The following CACNA2D4 variants were observed in gnomAD, a reference collection of about 807,000 sequenced individuals.
CACNA2D4 encodes calcium voltage-gated channel auxiliary subunit alpha2delta 4.
A neutral mutation model predicts 163.8 loss-of-function variants in CACNA2D4; 157 were observed. That is an observed-to-expected ratio of 0.96 (90% CI 0.84 to 1.09). The LOEUF is 1.09. Ranked by LOEUF, CACNA2D4 falls within the 50% of genes least tolerant of loss-of-function variation. The pLI is 0.00. For missense variants in CACNA2D4, 1,410 were observed against 1,479.9 expected (o/e 0.95, Z 0.78); for synonymous variants, 598 against 586.9 (o/e 1.02, Z -0.27).
In CACNA2D4 at chr12:1,869,074, C is replaced by T. The variant is rs568136008; in HGVS notation, c.1878+5530G>A. ...GATGCTGAGGGATGACTGCGCATCA[C>T]GTTGTGCACCTTAAATATATACAAT... is the stretch of plus-strand genomic sequence containing the variant. On this transcript the variant is annotated intron_variant, in intron 18 of 37. Coordinates refer to ENST00000382722, the MANE Select transcript of CACNA2D4 (RefSeq NM_172364.5). This position sits in a 1 kb window ranked among gnomAD's most constrained non-coding sequence, Gnocchi z 4.7. 8.4e-4 allele frequency among the ~76,000 whole-genome samples: 128 copies of T among 152,212 alleles called. No homozygotes were observed. Among genetic ancestry groups the T allele is most frequent in the African/African-American group, 2.8e-3 (116 of 41,520 alleles).
chr12:1,913,600 C>T (rs976117571), intron 2 of CACNA2D4, among the ~76,000 whole-genome samples: 3 of 152,204 alleles, frequency 2.0e-5, no homozygotes, highest in Non-Finnish European at 2.9e-5. Context: ...GAAAGTGCCC[C>T]CGTGCACATG....
At chr12:1,892,787 G>T (rs1433624602) in intron 6 of CACNA2D4, among the ~76,000 whole-genome samples, 1 of 151,964 alleles carries the variant, frequency 6.6e-6, no homozygotes, top group East Asian at 1.9e-4. Flanking sequence ...TGAAACGGAA[G>T]AAAAAAGATA....
chr12:1,797,365 G>A, intron 35 of CACNA2D4, 53 bp downstream of exon 35: 1 of 1,341,874 alleles, frequency 7.5e-7, no homozygotes, highest in Non-Finnish European at 1.0e-6. Flanking sequence ...CTTCCGCCTT[G>A]CCGAGGGCGG....
intron 6 of CACNA2D4, among the ~76,000 whole-genome samples, chr12:1,904,660 G>T (rs747644149): frequency 8.6e-5 from 13 of 152,032 alleles, no homozygotes; most frequent in Non-Finnish European, 1.9e-4. Context: ...TTGAAGTTAA[G>T]CTGTTATAAA....
At position 1,885,062 on chromosome 12, in the gene CACNA2D4, C is replaced by T; in HGVS notation, c.1083G>A (p.Leu361=). Residue 361 remains leucine, a synonymous_variant, in exon 10 of 38, where the codon CTG becomes CTA. Transcript: ENST00000382722. ...DRDNREHFKL[L]VEELMVKGVG... ...CACCTTTGACCATCAACTCCTCCAC[C>T]AGCAGTTTGAAATGCTGCCATGGGT... The T allele has an allele frequency of 6.2e-7, 1 of 1,613,904 alleles. No individual in the cohort carries two copies. Among genetic ancestry groups the T allele is most frequent in the Non-Finnish European group, 8.5e-7 (1 of 1,179,808 alleles).
intron 26 of CACNA2D4, among the ~76,000 whole-genome samples, chr12:1,818,162 T>C (rs1863947783): frequency 6.7e-6 from 1 of 148,254 alleles, no homozygotes; most frequent in Non-Finnish European, 1.5e-5. Context: ...GAGGAGCCCC[T>C]CCGCCCGGCA....
chr12:1,811,812 C>T, intron 26 of CACNA2D4, 89 bp from the exon 27 acceptor site: 1 of 1,306,736 alleles, frequency 7.7e-7, no homozygotes, highest in Non-Finnish European at 1.1e-6. Flanking sequence ...GGTGCTTCCG[C>T]AGGAACTGAG....
chr12:1,903,748 CAT>C (rs1278236034), intron 6 of CACNA2D4, among the ~76,000 whole-genome samples: 2 of 151,926 alleles, frequency 1.3e-5, no homozygotes, highest in African/African-American at 4.8e-5. Context: ...TGGAGAAACT[CAT>C]ACACTCATAC....
intron 19 of CACNA2D4, among the ~76,000 whole-genome samples, chr12:1,858,924 C>T (rs16928848): frequency 0.14 from 20,977 of 152,122 alleles, 1,829 homozygotes; most frequent in East Asian, 0.43. Context: ...TCAAGGGACA[C>T]CCTGAAACTC....
chr12:1,847,527 C>T, intron 23 of CACNA2D4, among the ~76,000 whole-genome samples: 1 of 152,176 alleles, frequency 6.6e-6, no homozygotes, highest in East Asian at 1.9e-4. Context: ...GGGTCTCCCC[C>T]ACCTACTCCA....
intron 6 of CACNA2D4, among the ~76,000 whole-genome samples, chr12:1,899,916 A>C (rs1404520864): frequency 6.6e-6 from 1 of 152,202 alleles, no homozygotes; most frequent in East Asian, 1.9e-4. Flanking sequence ...TAAAAGGATA[A>C]TTTACTATAA....
chr12:1,842,177 C>T (rs1217939845), intron 25 of CACNA2D4, among the ~76,000 whole-genome samples: 1 of 152,208 alleles, frequency 6.6e-6, no homozygotes, highest in African/African-American at 2.4e-5. Flanking sequence ...CTACCTGGCC[C>T]AGCACCTGGT....
chr12:1,840,173 A>G lies in CACNA2D4; in HGVS notation c.2551+566T>C, dbSNP rs1003455209. On this transcript the variant is annotated intron_variant, in intron 26 of 37. Transcript: ENST00000382722. ...TTTCAGCGCTGCTGGTCTTCAGGTCATCTTTTCAACAGCAAAGTTTTCAAG... is the reference window on the plus strand; with the variant it reads ...TTTCAGCGCTGCTGGTCTTCAGGTCGTCTTTTCAACAGCAAAGTTTTCAAG... 2.6e-5 allele frequency among the ~76,000 whole-genome samples: 4 copies of G among 152,308 alleles called. No individual in the cohort carries two copies. The East Asian group carries it at 5.8e-4, about 22-fold the overall frequency.
In CACNA2D4 at chr12:1,917,790, G is replaced by T. The variant is rs576710893; in HGVS notation, c.227+457C>A. Reference sequence around the variant, plus strand: ...AAGCCACCTCCTGTGCGCATGAGACGTTCTGTGGGTTCAGAACTGCTTCCC... The same window carrying T: ...AAGCCACCTCCTGTGCGCATGAGACTTTCTGTGGGTTCAGAACTGCTTCCC... On this transcript the variant is annotated intron_variant, in intron 1 of 37. Coordinates refer to ENST00000382722, the MANE Select transcript of CACNA2D4 (RefSeq NM_172364.5). The surrounding 1 kb of genome is among the most constrained non-coding windows in gnomAD (Gnocchi z 4.3). 7.2e-5 allele frequency among the ~76,000 whole-genome samples: 11 copies of T among 152,286 alleles called. No individual in the cohort carries two copies. In the South Asian group the frequency reaches 2.3e-3, roughly 32 times the overall value.
rs1386261717 is a variant in CACNA2D4, at chr12:1,800,044, A to G, written c.2930T>C (p.Leu977Pro). Residue 977 changes from leucine to proline, a missense_variant, in exon 33 of 38, where the codon CTG becomes CCG. Coordinates refer to ENST00000382722, the MANE Select transcript of CACNA2D4 (RefSeq NM_172364.5). ...WLLQELVLFL[L>P]EWSVWGSWYD... ...CCAGGAGCCCCAGACACTCCACTCC[A>G]GCAGGAACCTGTCAGACACAGGACT... The G allele has an allele frequency of 1.9e-6, 3 of 1,601,916 alleles. No homozygotes were observed. The highest frequency in any genetic ancestry group is 2.6e-6 in the Non-Finnish European group (3 of 1,174,480).
chr12:1,801,978 TA>T (rs35518361), intron 29 of CACNA2D4, among the ~76,000 whole-genome samples: 9,109 of 151,712 alleles, frequency 0.06, 386 homozygotes, highest in Admixed American at 0.15. Flanking sequence ...GCAGCAAGGT[TA>T]AAGAATGTTT....
chr12:1,852,600 T>C (rs1865307979), intron 23 of CACNA2D4, among the ~76,000 whole-genome samples: 1 of 152,198 alleles, frequency 6.6e-6, no homozygotes, highest in East Asian at 1.9e-4. Context: ...CTTAACTGTA[T>C]GCTATTTTAT....
intron 27 of CACNA2D4, 36 bp downstream of exon 27, chr12:1,811,626 G>A (rs377182319): frequency 2.8e-5 from 44 of 1,551,746 alleles, no homozygotes; most frequent in East Asian, 4.9e-5. Flanking sequence ...AGCGTGGTGA[G>A]TCCCCAGCCC....
chr12:1,903,157 T>C (rs1270626187), intron 6 of CACNA2D4, among the ~76,000 whole-genome samples: 1 of 151,976 alleles, frequency 6.6e-6, no homozygotes, highest in Non-Finnish European at 1.5e-5. Flanking sequence ...AAATTAAATA[T>C]TCATATGAAA....
Sources: gnomAD v4.1 joint callset for allele counts (sites outside exome capture counted in the v4.1 genomes callset) on GRCh38, gnomAD v4.1.1 for gene constraint, Gnocchi (gnomAD v3.1) non-coding constraint, MANE v1.5 for transcripts, NCBI Gene and HGNC (gene_info 2026-07-23, HGNC 2026-07-21) for gene names.